ARHGEF9: variants seen among roughly 807,000 people sequenced by gnomAD.
The protein encoded by ARHGEF9 is Cdc42 guanine nucleotide exchange factor 9, also known as rho guanine nucleotide exchange factor 9.
Under a neutral mutation model 41.3 loss-of-function variants are expected in ARHGEF9, and 2 were observed. That is an observed-to-expected ratio of 0.05 (90% CI 0.02 to 0.15). ARHGEF9 has a LOEUF of 0.15. Ranked by LOEUF, ARHGEF9 falls within the 10% of genes least tolerant of loss-of-function variation. The probability of loss-of-function intolerance (pLI) is 1.00; values close to 1 mark genes in which losing one functional copy is unlikely to be tolerated. For missense variants in ARHGEF9, 225 were observed against 424.7 expected (o/e 0.53, Z 4.13); for synonymous variants, 160 against 154.4 (o/e 1.04, Z -0.27).
intron 1 of ARHGEF9, among the ~76,000 whole-genome samples, chrX:63,772,585 G>T (rs1316310428): frequency 8.9e-6 from 1 of 111,809 alleles, no homozygotes; most frequent in East Asian, 2.8e-4. Context: ...GGCACAGAAA[G>T]ATTAGGTAAC....
intron 1 of ARHGEF9, among the ~76,000 whole-genome samples, chrX:63,732,579 C>G (rs1434853332): frequency 9.0e-6 from 1 of 111,411 alleles, no homozygotes; most frequent in Non-Finnish European, 1.9e-5. Flanking sequence ...TTGCTAGTAT[C>G]ACTCCTCAAG....
intron 1 of ARHGEF9, among the ~76,000 whole-genome samples, chrX:63,771,174 T>C (rs1352643023): frequency 6.2e-5 from 7 of 112,162 alleles, no homozygotes; most frequent in Admixed American, 1.9e-4. Context: ...GTATATCTTG[T>C]GAAGGTACTT....
chrX:63,637,486 T>G lies in ARHGEF9; in HGVS notation c.*542A>C. 3 of 272,736 alleles carry G rather than the reference T, an allele frequency of 1.1e-5. No homozygotes were observed. The highest frequency in any genetic ancestry group is 1.9e-5 in the Non-Finnish European group (3 of 155,420). The allele number at this position is 272,736 out of a possible 1,213,427, so 22.5% of individuals were successfully genotyped here. A position where few individuals can be genotyped will look rare whatever the true frequency, so the allele number is the denominator to read the frequency against. The stretch of plus-strand genomic sequence containing the variant: ...CTGAAGGAGAGGAGAAAGGAGCTCA[T>G]TCCCTTCCTCAATGGAAAGTAAAAG... On this transcript the variant is annotated 3_prime_UTR_variant, in exon 10 of 10. Transcript: ENST00000671741.
intron 8 of ARHGEF9, among the ~76,000 whole-genome samples, chrX:63,654,120 A>ATTTTTTT: frequency 9.4e-6 from 1 of 106,495 alleles, no homozygotes; most frequent in Non-Finnish European, 1.9e-5. Context: ...TTTTCCCTAA[A>ATTTTTTT]TTTCCTACAA....
intron 1 of ARHGEF9, among the ~76,000 whole-genome samples, chrX:63,766,362 G>T (rs2056113569): frequency 8.9e-6 from 1 of 112,007 alleles, no homozygotes; most frequent in South Asian, 3.8e-4. Context: ...TTCTAGGAAT[G>T]ACTTCTGAAG....
chrX:63,645,465 G>A (rs1302634751), intron 8 of ARHGEF9, among the ~76,000 whole-genome samples: 1 of 111,225 alleles, frequency 9.0e-6, no homozygotes, highest in Non-Finnish European at 1.9e-5. Context: ...ACCTATGAGC[G>A]AGAACGTGCG....
intron 1 of ARHGEF9, among the ~76,000 whole-genome samples, chrX:63,774,313 A>T (rs1209603624): frequency 9.0e-6 from 1 of 111,449 alleles, no homozygotes; most frequent in Non-Finnish European, 1.9e-5. Context: ...CTTCTACAAC[A>T]GACATTCATT....
chrX:63,745,292 A>T (rs782342813), intron 1 of ARHGEF9, among the ~76,000 whole-genome samples: 1 of 110,778 alleles, frequency 9.0e-6, no homozygotes, highest in Non-Finnish European at 1.9e-5. Context: ...GTAGATGGCC[A>T]CTCACAGGGC....
At position 63,740,111 on chromosome X, in the gene ARHGEF9, A is replaced by G. The variant is rs782738894; in HGVS notation, c.31-15400T>C. 1.5e-4 allele frequency among the ~76,000 whole-genome samples: 17 copies of G among 111,973 alleles called. No homozygotes were observed. The South Asian group carries it at 4.1e-3, about 27-fold the overall frequency. Reference sequence around the variant, plus strand: ...CAGGTGACCTGGTCTTGCATTTCCTAGTTTAGGAAGAAATCCCTGCTCCTG... The same window carrying G: ...CAGGTGACCTGGTCTTGCATTTCCTGGTTTAGGAAGAAATCCCTGCTCCTG... On this transcript the variant is annotated intron_variant, in intron 1 of 9. Coordinates refer to ENST00000671741, the MANE Select transcript of ARHGEF9 (RefSeq NM_001353921.2).
chrX:63,777,803 T>C (rs1569507564), intron 1 of ARHGEF9, among the ~76,000 whole-genome samples: 1 of 112,715 alleles, frequency 8.9e-6, no homozygotes, highest in East Asian at 2.8e-4. Flanking sequence ...TGACGCCATG[T>C]CTCACATCAG....
intron 1 of ARHGEF9, among the ~76,000 whole-genome samples, chrX:63,733,513 G>A (rs1208993752): frequency 3.6e-5 from 4 of 112,312 alleles, no homozygotes; most frequent in African/African-American, 1.3e-4. Context: ...GTTTCAATGT[G>A]GGTGTTGCTA....
intron 7 of ARHGEF9, among the ~76,000 whole-genome samples, chrX:63,661,740 T>C (rs1395958935): frequency 9.0e-6 from 1 of 110,575 alleles, no homozygotes; most frequent in Non-Finnish European, 1.9e-5. Flanking sequence ...CATGCCCACG[T>C]ACTCTCTTGC....
At chrX:63,645,222 T>C (rs1392096606) in intron 8 of ARHGEF9, among the ~76,000 whole-genome samples, 1 of 106,096 alleles carries the variant, frequency 9.4e-6, no homozygotes, top group East Asian at 2.8e-4. Flanking sequence ...TCTAAAATGA[T>C]TTTTTTTTCA....
intron 7 of ARHGEF9, among the ~76,000 whole-genome samples, chrX:63,663,258 T>G (rs1390478200): frequency 1.8e-5 from 2 of 111,855 alleles, no homozygotes; most frequent in Non-Finnish European, 1.9e-5. Context: ...TTCTTTTTTC[T>G]TCATTTGAAC....
intron 6 of ARHGEF9, among the ~76,000 whole-genome samples, chrX:63,672,389 T>C (rs2050015198): frequency 9.1e-6 from 1 of 110,378 alleles, no homozygotes; most frequent in South Asian, 3.9e-4. Flanking sequence ...ACAAGGGATG[T>C]GTGGGCTTAC....
At chrX:63,708,212 C>T (rs1569482886) in intron 2 of ARHGEF9, among the ~76,000 whole-genome samples, 1 of 111,905 alleles carries the variant, frequency 8.9e-6, no homozygotes, top group Admixed American at 9.5e-5. Context: ...ATGAAAACCT[C>T]ACCCTCTTAA....
chrX:63,682,253 G>A (rs1488579861), intron 4 of ARHGEF9, among the ~76,000 whole-genome samples: 1 of 111,509 alleles, frequency 9.0e-6, no homozygotes, highest in Non-Finnish European at 1.9e-5. Context: ...TGTGGCTCAC[G>A]CCTATAATCC....
chrX:63,670,465 G>C (rs2049882039), intron 6 of ARHGEF9: 1 of 109,375 alleles, frequency 9.1e-6, no homozygotes, highest in Non-Finnish European at 1.9e-5. Context: ...CCACAAAGAG[G>C]AAATTACAAC....
chrX:63,770,318 G>A (rs1423203788), intron 1 of ARHGEF9, among the ~76,000 whole-genome samples: 6 of 112,502 alleles, frequency 5.3e-5, no homozygotes, highest in South Asian at 3.6e-4. Context: ...TAATTGCTCC[G>A]CTGTATTTGA....
Sources: allele counts gnomAD v4.1 joint callset (sites outside exome capture counted in the v4.1 genomes callset), GRCh38; gene constraint gnomAD v4.1.1; transcripts MANE v1.5; gene names NCBI Gene and HGNC (gene_info 2026-07-23, HGNC 2026-07-21).